The following SYK variants were observed in gnomAD, a reference collection of about 807,000 sequenced individuals.
The protein encoded by SYK is spleen associated tyrosine kinase.
SYK carries 16 observed loss-of-function variants against 77.8 expected under a neutral mutation model. The ratio of observed to expected loss-of-function variants is 0.21; its 90% CI spans 0.14 to 0.31. The LOEUF (loss-of-function observed/expected upper bound fraction) is 0.31, where lower values mean the gene tolerates loss of function less well. Among genes scored for constraint, SYK ranks in the 10% least tolerant of loss-of-function variants. The pLI is 1.00. For missense variants in SYK, 529 were observed against 814.4 expected (o/e 0.65, Z 4.26); for synonymous variants, 312 against 308.7 (o/e 1.01, Z -0.11).
In SYK at chr9:90,874,307, A is replaced by C. The variant is rs1289316285; in HGVS notation, c.1003+16A>C. 5 of 1,613,300 alleles carry C rather than the reference A, an allele frequency of 3.1e-6. No homozygotes were observed. The highest frequency in any genetic ancestry group is 4.2e-6 in the Non-Finnish European group (5 of 1,179,274). On this transcript the variant is annotated intron_variant, in intron 8 of 13. Transcript: ENST00000375754. ...GCAGACAAAGGTGAGACTTCCTTTC[A>C]TTCAAGGGACATTCACAGAGCAAAG...
intron 1 of SYK, among the ~76,000 whole-genome samples, chr9:90,810,498 G>T (rs1051470552): frequency 4.3e-4 from 8 of 18,442 alleles, no homozygotes; most frequent in African/African-American, 1.1e-3. Context: ...TTTGAACTTG[G>T]GGGGACACAA....
intron 3 of SYK, among the ~76,000 whole-genome samples, chr9:90,853,911 A>G (rs1236130747): frequency 6.6e-6 from 1 of 152,130 alleles, no homozygotes; most frequent in Non-Finnish European, 1.5e-5. Context: ...AAAAAAAGAG[A>G]GCAGGGCAGC....
intron 1 of SYK, among the ~76,000 whole-genome samples, chr9:90,807,386 G>A (rs1300844539): frequency 1.3e-5 from 2 of 152,192 alleles, no homozygotes; most frequent in African/African-American, 4.8e-5. Flanking sequence ...GAATATTTTT[G>A]TAGCTACGGG....
At chr9:90,811,934 T>C (rs1324869708) in intron 1 of SYK, among the ~76,000 whole-genome samples, 1 of 22,116 alleles carries the variant, frequency 4.5e-5, no homozygotes. Flanking sequence ...TCAAAAATAA[T>C]AAGTGAAAAA....
At chr9:90,877,476 A>G in intron 9 of SYK, 95 bp from the exon 10 acceptor site, 3 of 1,381,986 alleles carry the variant, frequency 2.2e-6, no homozygotes, top group East Asian at 2.5e-5. Context: ...TTTCCGTGGG[A>G]CTGTTTCCAC....
At chr9:90,887,565 C>T (rs530531771) in intron 11 of SYK, among the ~76,000 whole-genome samples, 184 bp from the exon 12 acceptor site, 12 of 151,984 alleles carry the variant, frequency 7.9e-5, no homozygotes, top group Non-Finnish European at 1.6e-4. Context: ...GCCACCACAC[C>T]TGGCTAATTT....
chr9:90,844,651 A>C (rs1015494193), intron 2 of SYK, among the ~76,000 whole-genome samples: 5 of 152,208 alleles, frequency 3.3e-5, no homozygotes, highest in Non-Finnish European at 7.3e-5. Context: ...TACCATACAC[A>C]CTGATAGGCA....
intron 11 of SYK, among the ~76,000 whole-genome samples, chr9:90,880,977 G>A (rs536118317): frequency 7.2e-5 from 11 of 152,294 alleles, no homozygotes; most frequent in Admixed American, 2.0e-4. Context: ...TGGCAGCTGC[G>A]GGCTGAGAGC....
At chr9:90,819,963 T>G (rs1825447309) in intron 1 of SYK, among the ~76,000 whole-genome samples, 2 of 152,154 alleles carry the variant, frequency 1.3e-5, no homozygotes. Context: ...CCATTCCAAC[T>G]GGGAGAAATT....
chr9:90,890,362 C>G (rs1156960704), intron 13 of SYK, among the ~76,000 whole-genome samples: 1 of 152,168 alleles, frequency 6.6e-6, no homozygotes, highest in Non-Finnish European at 1.5e-5. Context: ...GAGTGGTCCA[C>G]CAGGGGCAGA....
chr9:90,865,175 G>GAGTAGCTAAC, intron 6 of SYK, 78 bp downstream of exon 6: 1 of 1,390,996 alleles, frequency 7.2e-7, no homozygotes, highest in Non-Finnish European at 1.0e-6. Context: ...TAGCTAACAG[G>GAGTAGCTAAC]AGTAGTAGGC....
rs1554714775 is a variant in SYK, at chr9:90,884,884, T to TATATAC, written c.1582-2860_1582-2859insCATATA. On this transcript the variant is annotated intron_variant, in intron 11 of 13. Transcript: ENST00000375754. ...GTATATACATATATACATATATACA[T>TATATAC]ATATATACATATGCACATATGTGTA... Among the ~76,000 whole-genome samples, 150 of 5,272 alleles carry TATATAC rather than the reference T, an allele frequency of 0.028. 49 individuals are homozygous for TATATAC. The African/African-American group carries it at 0.29, about 10-fold the overall frequency. 3.5% of individuals were successfully genotyped at this position (5,272 alleles called of 152,430 possible). A position where few individuals can be genotyped will look rare whatever the true frequency, so the allele number is the denominator to read the frequency against.
At chr9:90,822,587 T>C (rs971812982) in intron 1 of SYK, among the ~76,000 whole-genome samples, 3 of 152,238 alleles carry the variant, frequency 2.0e-5, no homozygotes, top group Admixed American at 1.3e-4. Context: ...GCAGATTTAC[T>C]TGCACCTGCG....
chr9:90,824,218 C>T (rs1307320349), intron 1 of SYK, among the ~76,000 whole-genome samples: 1 of 152,012 alleles, frequency 6.6e-6, no homozygotes, highest in Non-Finnish European at 1.5e-5. Context: ...CCTGAATAGC[C>T]CTATATCTTT....
intron 3 of SYK, among the ~76,000 whole-genome samples, chr9:90,847,168 T>G (rs1000673105): frequency 6.6e-6 from 1 of 152,230 alleles, no homozygotes; most frequent in Admixed American, 6.5e-5. Context: ...AGCTCTTGTT[T>G]GATGAACATG....
chr9:90,816,585 A>G (rs1259442870), intron 1 of SYK, among the ~76,000 whole-genome samples: 1 of 152,256 alleles, frequency 6.6e-6, no homozygotes. Flanking sequence ...TTATATCTGT[A>G]CAAGGTGGAA....
chr9:90,877,334 T>C (rs1006221679), intron 9 of SYK, among the ~76,000 whole-genome samples: 8 of 152,230 alleles, frequency 5.3e-5, no homozygotes, highest in Non-Finnish European at 2.9e-5. Context: ...TGAGCCACCA[T>C]GCCCAGCCCC....
chr9:90,817,880 T>TGAGAGA (rs1345424955), intron 1 of SYK, among the ~76,000 whole-genome samples: 2 of 60,874 alleles, frequency 3.3e-5, no homozygotes, highest in African/African-American at 6.3e-5. Flanking sequence ...TGTGTGTGTG[T>TGAGAGA]GTGAGAGAGA....
chr9:90,859,109 A>G (rs1478424547), intron 3 of SYK, among the ~76,000 whole-genome samples: 1 of 152,232 alleles, frequency 6.6e-6, no homozygotes, highest in African/African-American at 2.4e-5. Flanking sequence ...ATAAGAGTGC[A>G]TAACTAAATA....
Sources: allele counts gnomAD v4.1 joint callset (sites outside exome capture counted in the v4.1 genomes callset), GRCh38; gene constraint gnomAD v4.1.1; transcripts MANE v1.5; gene names NCBI Gene and HGNC (gene_info 2026-07-23, HGNC 2026-07-21).